ARHGAP10: variants seen among roughly 807,000 people sequenced by gnomAD.
ARHGAP10 encodes the protein rho GTPase-activating protein 10.
Under a neutral mutation model 108.6 loss-of-function variants are expected in ARHGAP10, and 87 were observed. The observed-to-expected ratio is 0.80, with a 90% confidence interval of 0.67 to 0.96. The LOEUF (loss-of-function observed/expected upper bound fraction) is 0.96. Ranked by LOEUF, ARHGAP10 falls within the 40% of genes least tolerant of loss-of-function variation. The pLI, the probability that ARHGAP10 is intolerant of heterozygous loss-of-function variation, is 0.00. For synonymous variants in ARHGAP10, 347 were observed against 341.1 expected (o/e 1.02, Z -0.19); for missense variants, 939 against 954.5 (o/e 0.98, Z 0.21).
intron 5 of ARHGAP10, chr4:147,858,506 GGTTT>G (rs905260094): frequency 1.3e-5 from 2 of 152,140 alleles, no homozygotes; most frequent in African/African-American, 2.4e-5. Context: ...GTGTGTGTAT[GGTTT>G]GTTTGACATT....
chr4:147,796,518 CT>C (rs938187228), intron 1 of ARHGAP10, among the ~76,000 whole-genome samples: 1 of 151,240 alleles, frequency 6.6e-6, no homozygotes, highest in Non-Finnish European at 1.5e-5. Flanking sequence ...TTCCTTATTT[CT>C]TTTTTTTTAT....
chr4:147,827,573 C>T lies in ARHGAP10; in HGVS notation c.312+4616C>T, dbSNP rs575131762. ...GTATAGTTTAGTAAGCCCATACCCC[C>T]GACACCGGGACAAGGAGAAAAGGAA... On this transcript the variant is annotated intron_variant, in intron 3 of 22. Transcript: ENST00000336498. Among the ~76,000 whole-genome samples, 6 of 152,152 alleles carry T rather than the reference C, an allele frequency of 3.9e-5. No homozygotes were observed. In the East Asian group the frequency reaches 5.8e-4, roughly 15 times the overall value.
intron 18 of ARHGAP10, among the ~76,000 whole-genome samples, chr4:147,982,160 C>T (rs1739832529): frequency 2.0e-5 from 3 of 152,256 alleles, no homozygotes; most frequent in African/African-American, 4.8e-5. Context: ...GCCTCAGCCC[C>T]CTGTCTCTTC....
chr4:147,852,981 A>G (rs1196770369), intron 4 of ARHGAP10, among the ~76,000 whole-genome samples: 1 of 152,056 alleles, frequency 6.6e-6, no homozygotes, highest in Non-Finnish European at 1.5e-5. Flanking sequence ...CAATACCACA[A>G]CACTTTTAAT....
In ARHGAP10 at chr4:148,007,501, C is replaced by T. The variant is rs543708512; in HGVS notation, c.1717-15762C>T. On this transcript the variant is annotated intron_variant, in intron 18 of 22. Transcript: ENST00000336498. ...GGCTTACGTAGCTTGATGAGGATAT[C>T]TTCTGGGGATGGGTATGTATTTTCT... Among the ~76,000 whole-genome samples the T allele has an allele frequency of 6.6e-5, 10 of 152,292 alleles. No homozygotes were observed. In the South Asian group the frequency reaches 2.1e-3, roughly 32 times the overall value.
chr4:147,939,777 A>C (rs775011516), intron 13 of ARHGAP10, 48 bp from the exon 14 acceptor site: 1 of 1,518,900 alleles, frequency 6.6e-7, no homozygotes, highest in Non-Finnish European at 9.1e-7. Context: ...GATGGCTTTT[A>C]AAATATGATA....
Position 147,909,720 on chromosome 4 carries a change from C to T in ARHGAP10, c.1117-12C>T, listed in dbSNP as rs1273267793. The T allele has an allele frequency of 1.9e-6, 3 of 1,606,746 alleles. No individual in the cohort carries two copies. Among genetic ancestry groups the T allele is most frequent in the Non-Finnish European group, 2.6e-6 (3 of 1,174,580 alleles). ...GATTAAAAAATTCTGTTTTTCCATT[C>T]TCTTTTATTAGCTGTCCCATAGTTT... On this transcript the variant is annotated splice_polypyrimidine_tract_variant and intron_variant, in intron 11 of 22. Transcript: ENST00000336498.
chr4:148,058,544 G>C (rs1729464503), intron 20 of ARHGAP10, among the ~76,000 whole-genome samples: 1 of 152,184 alleles, frequency 6.6e-6, no homozygotes, highest in Non-Finnish European at 1.5e-5. Context: ...GAGTTCTCTG[G>C]TGATTGGTGC....
At chr4:147,742,951 G>A (rs1449233907) in intron 1 of ARHGAP10, among the ~76,000 whole-genome samples, 1 of 150,766 alleles carries the variant, frequency 6.6e-6, no homozygotes, top group Non-Finnish European at 1.5e-5. Context: ...AAGTACAAGG[G>A]AATACAGTGT....
intron 3 of ARHGAP10, among the ~76,000 whole-genome samples, chr4:147,834,752 A>T (rs978844433): frequency 4.6e-4 from 5 of 10,774 alleles, no homozygotes; most frequent in Non-Finnish European, 9.5e-4. Flanking sequence ...ACCTGCCCCC[A>T]CCCTCACACC....
chr4:148,051,676 G>A (rs1729145985), intron 20 of ARHGAP10, among the ~76,000 whole-genome samples: 1 of 152,136 alleles, frequency 6.6e-6, no homozygotes, highest in Admixed American at 6.5e-5. Flanking sequence ...TGAGAGGCTT[G>A]GCTTTGTTTA....
chr4:148,000,462 T>C (rs552035851), intron 18 of ARHGAP10, among the ~76,000 whole-genome samples: 2 of 152,182 alleles, frequency 1.3e-5, no homozygotes, highest in Admixed American at 1.3e-4. Flanking sequence ...GGCTGGGTCA[T>C]ATGGTATTTC....
At chr4:147,757,486 G>A (rs1289281957) in intron 1 of ARHGAP10, among the ~76,000 whole-genome samples, 1 of 152,172 alleles carries the variant, frequency 6.6e-6, no homozygotes, top group African/African-American at 2.4e-5. Context: ...GTGAGCCACC[G>A]CGCCTGGCTG....
At chr4:147,802,508 G>A (rs1731622480) in intron 1 of ARHGAP10, among the ~76,000 whole-genome samples, 1 of 152,234 alleles carries the variant, frequency 6.6e-6, no homozygotes, top group African/African-American at 2.4e-5. Context: ...ATTGGGCAGG[G>A]CCCCCTTTGG....
In ARHGAP10 at chr4:147,843,937, C is replaced by T. The variant is rs1265643430; in HGVS notation, c.313-3214C>T. ...GTCTGAGACATTTCCATTTTTCTAC[C>T]GTCCTACCTCTCTACTTGCATGACT... On this transcript the variant is annotated intron_variant, in intron 3 of 22. Coordinates refer to ENST00000336498, the MANE Select transcript of ARHGAP10 (RefSeq NM_024605.4). Among the ~76,000 whole-genome samples, 7 of 152,252 alleles carry T rather than the reference C, an allele frequency of 4.6e-5. No individual in the cohort carries two copies. In the South Asian group the frequency reaches 8.3e-4, roughly 18 times the overall value.
intron 18 of ARHGAP10, among the ~76,000 whole-genome samples, chr4:147,984,433 G>T (rs1739950417): frequency 6.6e-6 from 1 of 152,224 alleles, no homozygotes; most frequent in African/African-American, 2.4e-5. Context: ...GGGCTGTGGT[G>T]GTGCCACCTT....
chr4:147,918,998 T>C (rs1186494254), intron 13 of ARHGAP10, among the ~76,000 whole-genome samples: 1 of 152,248 alleles, frequency 6.6e-6, no homozygotes, highest in Non-Finnish European at 1.5e-5. Context: ...TTTCCTCTTC[T>C]ACTAAATTCT....
chr4:147,973,245 G>A (rs1739478049), intron 18 of ARHGAP10, among the ~76,000 whole-genome samples: 1 of 152,214 alleles, frequency 6.6e-6, no homozygotes, highest in Non-Finnish European at 1.5e-5. Flanking sequence ...ACTAGTGCCT[G>A]AGTTTTACAT....
chr4:148,056,552 G>GC (rs1292893066), intron 20 of ARHGAP10, among the ~76,000 whole-genome samples: 1 of 116,006 alleles, frequency 8.6e-6, no homozygotes, highest in East Asian at 2.5e-4. Flanking sequence ...TTCACTTCCC[G>GC]CCCCCACCCC....
Sources: allele counts gnomAD v4.1 joint callset (sites outside exome capture counted in the v4.1 genomes callset), GRCh38; gene constraint gnomAD v4.1.1; transcripts MANE v1.5; gene names NCBI Gene and HGNC (gene_info 2026-07-23, HGNC 2026-07-21).